HDAC4: variants seen among roughly 807,000 people sequenced by gnomAD.
HDAC4 encodes the protein histone deacetylase A.
Under a neutral mutation model 135.1 loss-of-function variants are expected in HDAC4, and 16 were observed. The ratio of observed to expected loss-of-function variants is 0.12; its 90% confidence interval spans 0.08 to 0.18. The LOEUF (loss-of-function observed/expected upper bound fraction) is 0.18, where lower values mean the gene tolerates loss of function less well. Ranked by LOEUF, HDAC4 falls within the 10% of genes least tolerant of loss-of-function variation. The pLI is 1.00. For synonymous variants in HDAC4, 685 were observed against 653.4 expected (o/e 1.05, Z -0.74); for missense variants, 1,143 against 1,511.8 (o/e 0.76, Z 4.05).
At chr2:239,263,498 C>T (rs1338531866) in intron 2 of HDAC4, among the ~76,000 whole-genome samples, 2 of 152,184 alleles carry the variant, frequency 1.3e-5, no homozygotes, top group Non-Finnish European at 2.9e-5. Flanking sequence ...CCAGGAACCC[C>T]CAGGCAGGGC....
At position 239,139,764 on chromosome 2, in the gene HDAC4, G is replaced by A; in HGVS notation, c.898C>T (p.Pro300Ser). The A allele has an allele frequency of 1.9e-6, 3 of 1,614,122 alleles. No homozygotes were observed. Among genetic ancestry groups the A allele is most frequent in the Non-Finnish European group, 2.5e-6 (3 of 1,179,998 alleles). The change falls in exon 9 of 27, where the codon CCC becomes TCC. Residue 300 changes from proline (P) to serine (S), a missense_variant. Physicochemically the swap from Pro to Ser is moderately conservative, Grantham distance 74. This residue lies in a region of HDAC4 where 272 missense variants were observed against 309.7 expected (regional missense o/e 0.88). Transcript: ENST00000543185. This position sits in a 1 kb window ranked among gnomAD's most constrained non-coding sequence, Gnocchi z 5.3. ...SACSSAPGSG[P>S]SSPNNSSGSV... ...CCGGAGCTGTTGTTGGGTGAGCTGG[G>A]TCCGGAGCCTGGGGCGCTGCTGCAC...
chr2:239,139,110 C>T lies in HDAC4; in HGVS notation c.978+574G>A, dbSNP rs1452102759. Among the ~76,000 whole-genome samples the T allele has an allele frequency of 3.3e-5, 5 of 152,228 alleles. No homozygotes were observed. The highest frequency in any genetic ancestry group is 2.6e-4 in the Admixed American group (4 of 15,282). ...GCTCTGCGGTCTGAGATGCCTGGTT[C>T]CCGTGATGCCTGGAAAAGTTCCCCG... On this transcript the variant is annotated intron_variant, in intron 9 of 26. Coordinates refer to ENST00000543185, the MANE Select transcript of HDAC4 (RefSeq NM_001378414.1). This position sits in a 1 kb window ranked among gnomAD's most constrained non-coding sequence, Gnocchi z 5.3.
chr2:239,133,434 T>C (rs2040732869), intron 11 of HDAC4, among the ~76,000 whole-genome samples: 1 of 152,370 alleles, frequency 6.6e-6, no homozygotes, highest in South Asian at 2.1e-4. Flanking sequence ...TGTACAACGA[T>C]GACCCGCACG....
chr2:239,297,358 C>T (rs950395257), intron 2 of HDAC4, among the ~76,000 whole-genome samples: 4 of 152,224 alleles, frequency 2.6e-5, no homozygotes, highest in South Asian at 2.1e-4. Context: ...AGCAGCGATC[C>T]GTGCCACCAA....
At chr2:239,241,608 GT>G (rs1328914381) in intron 2 of HDAC4, among the ~76,000 whole-genome samples, 2 of 152,160 alleles carry the variant, frequency 1.3e-5, no homozygotes, top group Non-Finnish European at 1.5e-5. Flanking sequence ...CTGCTTTTAT[GT>G]CAGGTTCAAG....
At chr2:239,214,675 T>C (rs1020918238) in intron 3 of HDAC4, among the ~76,000 whole-genome samples, 2 of 152,252 alleles carry the variant, frequency 1.3e-5, no homozygotes, top group Non-Finnish European at 2.9e-5. Flanking sequence ...GCACACGTGT[T>C]GATAGCTTTA....
At chr2:239,053,164 G>C (rs1447323011) in intron 26 of HDAC4, 28 bp from the exon 27 acceptor site, 3 of 1,613,732 alleles carry the variant, frequency 1.9e-6, no homozygotes, top group African/African-American at 1.3e-5. Context: ...GAAGGAGATG[G>C]GGGCGTGGGG....
intron 3 of HDAC4, among the ~76,000 whole-genome samples, chr2:239,229,613 G>A (rs2047427339): frequency 6.6e-6 from 1 of 152,196 alleles, no homozygotes; most frequent in Non-Finnish European, 1.5e-5. Context: ...TAGGGAGACA[G>A]AAATTACAGG....
At chr2:239,101,188 C>A (rs1321180135) in intron 16 of HDAC4, among the ~76,000 whole-genome samples, 5 of 152,178 alleles carry the variant, frequency 3.3e-5, no homozygotes, top group Admixed American at 6.5e-5. Flanking sequence ...AAACTTGAGG[C>A]TTCTGTCCTT....
At chr2:239,396,532 T>C (rs1025447549) in intron 1 of HDAC4, among the ~76,000 whole-genome samples, 5 of 152,322 alleles carry the variant, frequency 3.3e-5, no homozygotes, top group Admixed American at 2.0e-4. Context: ...ATGCTAACCT[T>C]TCATCACTGG....
intron 16 of HDAC4, among the ~76,000 whole-genome samples, chr2:239,097,612 C>T (rs1000259589): frequency 1.1e-4 from 17 of 152,250 alleles, no homozygotes; most frequent in Non-Finnish European, 1.6e-4. Context: ...TGCGGGGAAG[C>T]GGCCTGCACG....
At chr2:239,199,447 T>C (rs2045616680) in intron 3 of HDAC4, among the ~76,000 whole-genome samples, 1 of 152,202 alleles carries the variant, frequency 6.6e-6, no homozygotes, top group African/African-American at 2.4e-5. Context: ...CAAGATCAAC[T>C]ATCTTGTTAC....
intron 2 of HDAC4, among the ~76,000 whole-genome samples, chr2:239,260,919 A>C (rs1575550623): frequency 3.9e-5 from 6 of 152,046 alleles, no homozygotes; most frequent in Admixed American, 3.9e-4. Context: ...CACCAAGAAA[A>C]CCCAGCTTCC....
intron 11 of HDAC4, among the ~76,000 whole-genome samples, chr2:239,132,717 C>T (rs2040680132): frequency 6.6e-6 from 1 of 152,228 alleles, no homozygotes; most frequent in Non-Finnish European, 1.5e-5. Flanking sequence ...TTTCCAAAAA[C>T]CTGATACACA....
chr2:239,269,123 GTACATACATTCATTATC>G (rs2049908931), intron 2 of HDAC4, among the ~76,000 whole-genome samples: 1 of 152,034 alleles, frequency 6.6e-6, no homozygotes, highest in Non-Finnish European at 1.5e-5. Flanking sequence ...TCATTCAGAC[GTACATACATTCATTATC>G]TACATACATT....
At chr2:239,064,233 TGA>T (rs1209002722) in intron 24 of HDAC4, among the ~76,000 whole-genome samples, 2 of 152,380 alleles carry the variant, frequency 1.3e-5, no homozygotes, top group African/African-American at 4.8e-5. Flanking sequence ...TGTGTCTGAA[TGA>T]GACCTTTCCT....
chr2:239,192,481 A>C (rs746435848), intron 3 of HDAC4, among the ~76,000 whole-genome samples: 3 of 152,248 alleles, frequency 2.0e-5, no homozygotes, highest in Admixed American at 6.5e-5. Context: ...AATATATGAA[A>C]GGCAGGGAGG....
At chr2:239,163,979 A>G in intron 5 of HDAC4, 56 bp from the exon 6 acceptor site, 3 of 1,607,368 alleles carry the variant, frequency 1.9e-6, no homozygotes, top group Non-Finnish European at 2.6e-6. Context: ...CTACAGCAGC[A>G]ATGCAGGGCA....
intron 14 of HDAC4, 59 bp from the exon 15 acceptor site, chr2:239,108,242 C>G: frequency 6.4e-7 from 1 of 1,553,986 alleles, no homozygotes. Flanking sequence ...CGACCACCCA[C>G]TGGCAGGCTG....
Sources: gnomAD v4.1 joint callset for allele counts (sites outside exome capture counted in the v4.1 genomes callset) on GRCh38, gnomAD v4.1.1 for gene constraint, gnomAD v4.1.1 regional missense constraint, Gnocchi (gnomAD v3.1) non-coding constraint, MANE v1.5 for transcripts, NCBI Gene and HGNC (gene_info 2026-07-23, HGNC 2026-07-21) for gene names.